Variants in LRBA observed in about 807,000 individuals in gnomAD.
LRBA encodes lipopolysaccharide-responsive and beige-like anchor protein.
A neutral mutation model predicts 330.0 loss-of-function variants in LRBA; 176 were observed. The ratio of observed to expected loss-of-function variants is 0.53; its 90% CI spans 0.47 to 0.60. LRBA has a LOEUF of 0.60. LRBA is among the 20% of genes least tolerant of loss of function. The pLI is 0.00. For missense variants in LRBA, 3,259 were observed against 3,444.8 expected, an observed-to-expected ratio of 0.95 and a Z score of 1.35; for synonymous variants, 1,230 against 1,193.0, an observed-to-expected ratio of 1.03 and a Z score of -0.64.
At chr4:150,915,216 T>C (rs556001381) in intron 8 of LRBA, among the ~76,000 whole-genome samples, 1 of 152,250 alleles carries the variant, frequency 6.6e-6, no homozygotes, top group South Asian at 2.1e-4. Context: ...TTTTGAAACC[T>C]GTAAACGTTA....
chr4:150,559,330 A>G (rs1177313189), intron 40 of LRBA, among the ~76,000 whole-genome samples: 1 of 151,542 alleles, frequency 6.6e-6, no homozygotes, highest in Non-Finnish European at 1.5e-5. Flanking sequence ...TGGGAGGCCA[A>G]GGCGGGTGGA....
intron 37 of LRBA, among the ~76,000 whole-genome samples, chr4:150,644,240 A>G (rs187701575): frequency 3.5e-4 from 53 of 152,100 alleles, no homozygotes; most frequent in African/African-American, 1.3e-3. Context: ...CATCAATATT[A>G]CCAAACAAAG....
intron 40 of LRBA, among the ~76,000 whole-genome samples, chr4:150,503,368 G>A (rs932615316): frequency 4.6e-5 from 7 of 152,148 alleles, no homozygotes; most frequent in Admixed American, 1.3e-4. Flanking sequence ...CCAGAGGAAC[G>A]ATCAGGCAGC....
intron 40 of LRBA, among the ~76,000 whole-genome samples, chr4:150,524,465 A>G (rs538301744): frequency 1.6e-4 from 25 of 152,256 alleles, no homozygotes; most frequent in Middle Eastern, 6.8e-3. Context: ...ACCAAAACCA[A>G]TGGGCACAAA....
chr4:150,703,698 C>A lies in LRBA; in HGVS notation c.5755-19981G>T, dbSNP rs192505659. 3.9e-5 allele frequency among the ~76,000 whole-genome samples: 6 copies of A among 152,210 alleles called. No individual in the cohort carries two copies. The East Asian group carries it at 1.2e-3, about 29-fold the overall frequency. Reference sequence around the variant, plus strand: ...GGTCAGCCTTTAACGATTTCTCCTACATGATTGTAATAAGAGAAGTGATAC... The same window carrying A: ...GGTCAGCCTTTAACGATTTCTCCTAAATGATTGTAATAAGAGAAGTGATAC... On this transcript the variant is annotated intron_variant, in intron 36 of 56. Coordinates refer to ENST00000651943, the MANE Select transcript of LRBA (RefSeq NM_001364905.1).
At chr4:150,927,321 C>T (rs1374927114) in intron 4 of LRBA, among the ~76,000 whole-genome samples, 2 of 149,488 alleles carry the variant, frequency 1.3e-5, no homozygotes, top group African/African-American at 2.5e-5. Context: ...TGCAGTGAGC[C>T]GAGATCATGG....
chr4:150,942,292 A>G (rs1735758940), intron 2 of LRBA, among the ~76,000 whole-genome samples: 1 of 152,146 alleles, frequency 6.6e-6, no homozygotes, highest in African/African-American at 2.4e-5. Context: ...AACTATGTCC[A>G]TGTCCCAGGA....
At chr4:150,867,640 T>G in intron 22 of LRBA, 31 bp downstream of exon 22, 4 of 1,515,182 alleles carry the variant, frequency 2.6e-6, no homozygotes, top group Non-Finnish European at 3.5e-6. Flanking sequence ...ATATTTAAAA[T>G]GCTACAATAC....
chr4:150,417,578 A>T (rs1747963382), intron 46 of LRBA, among the ~76,000 whole-genome samples: 1 of 152,164 alleles, frequency 6.6e-6, no homozygotes, highest in Non-Finnish European at 1.5e-5. Flanking sequence ...CTCTATCATG[A>T]TTAGAAGATA....
At chr4:150,488,767 AT>A (rs560512676) in intron 41 of LRBA, among the ~76,000 whole-genome samples, 2,363 of 147,538 alleles carry the variant, frequency 0.016, 65 homozygotes, top group African/African-American at 0.054. Flanking sequence ...CAAAAAAAAA[AT>A]ATACCAATGT....
intron 53 of LRBA, among the ~76,000 whole-genome samples, chr4:150,289,026 C>T (rs1748532696): frequency 6.6e-6 from 1 of 151,976 alleles, no homozygotes; most frequent in Non-Finnish European, 1.5e-5. Context: ...TTCTTGGGAG[C>T]ATGGTGGAAG....
At chr4:150,683,813 A>C in intron 36 of LRBA, 96 bp from the exon 37 acceptor site, 1 of 862,180 alleles carries the variant, frequency 1.2e-6, no homozygotes, top group Non-Finnish European at 1.7e-6. Flanking sequence ...AACAACCAAA[A>C]TTTTAAATCT....
chr4:150,766,563 T>C (rs1310022925), intron 34 of LRBA, among the ~76,000 whole-genome samples: 1 of 152,192 alleles, frequency 6.6e-6, no homozygotes, highest in African/African-American at 2.4e-5. Context: ...GAAACAATTA[T>C]CAAGGAAGGT....
chr4:150,852,177 C>T lies in LRBA; in HGVS notation c.3533G>A (p.Gly1178Glu). ...DTETQDSKDS[G>E]IQTMTASGSS... ...CCCTGATGCTGTCATAGTCTGAATT[C>T]CAGAATCTTTAGAATCTTGAGTTTC... Residue 1178 changes from glycine to glutamate, a missense_variant, in exon 23 of 57, where the codon GGA (glycine) becomes GAA (glutamate). Gly to Glu is a moderately conservative substitution (Grantham distance 98). Transcript: ENST00000651943. The T allele has an allele frequency of 6.2e-7, 1 of 1,614,106 alleles. No homozygotes were observed. Among genetic ancestry groups the T allele is most frequent in the Non-Finnish European group, 8.5e-7 (1 of 1,180,000 alleles).
chr4:150,639,819 GTA>G (rs56731034), intron 37 of LRBA, among the ~76,000 whole-genome samples: 16 of 4,528 alleles, frequency 3.5e-3, no homozygotes, highest in African/African-American at 4.1e-3. Flanking sequence ...GTGTGTGTGT[GTA>G]TATATATATA....
chr4:150,606,897 G>A (rs2126552589), intron 37 of LRBA, among the ~76,000 whole-genome samples: 1 of 152,316 alleles, frequency 6.6e-6, no homozygotes, highest in Middle Eastern at 3.4e-3. Context: ...CACTGACCAA[G>A]CACAGTAACT....
intron 2 of LRBA, among the ~76,000 whole-genome samples, chr4:150,930,439 G>A (rs1355771700): frequency 6.6e-6 from 1 of 152,094 alleles, no homozygotes; most frequent in Admixed American, 6.5e-5. Flanking sequence ...GTTGCAATGA[G>A]TCAAGATCAT....
At chr4:150,696,229 A>T (rs1294458395) in intron 36 of LRBA, among the ~76,000 whole-genome samples, 1 of 152,186 alleles carries the variant, frequency 6.6e-6, no homozygotes, top group Admixed American at 6.5e-5. Context: ...ACCCTGTCTC[A>T]AAAACAAAAA....
intron 53 of LRBA, among the ~76,000 whole-genome samples, chr4:150,298,896 CTTTAAAAGATATTA>C (rs2126831897): frequency 6.6e-6 from 1 of 152,114 alleles, no homozygotes; most frequent in South Asian, 2.1e-4. Flanking sequence ...TCGAATGTGG[CTTTAAAAGATATTA>C]TTCAGATATC....
Sources: allele counts gnomAD v4.1 joint callset (sites outside exome capture counted in the v4.1 genomes callset), GRCh38; gene constraint gnomAD v4.1.1; transcripts MANE v1.5; gene names NCBI Gene and HGNC (gene_info 2026-07-23, HGNC 2026-07-21).